ALDH16A1: variants seen among roughly 807,000 people sequenced by gnomAD.
ALDH16A1 encodes aldehyde dehydrogenase 16 family member A1, also known as aldehyde dehydrogenase family 16 member A1.
A neutral mutation model predicts 96.1 loss-of-function variants in ALDH16A1; 88 were observed. That is an observed-to-expected ratio of 0.92 (90% CI 0.77 to 1.09). The LOEUF (loss-of-function observed/expected upper bound fraction) is 1.09. ALDH16A1 is among the 50% of genes least tolerant of loss of function. ALDH16A1 has a pLI of 0.00. For synonymous variants in ALDH16A1, 522 were observed against 496.4 expected, an observed-to-expected ratio of 1.05 and a Z score of -0.69; for missense variants, 1,250 against 1,112.6, an observed-to-expected ratio of 1.12 and a Z score of -1.76.
chr19:49,465,878 T>A lies in ALDH16A1; in HGVS notation c.1709T>A (p.Val570Glu). ...GGAGCCAAGGACATCCGAGGTGCTG[T>A]GGAGGCCGCTCACCAGGCTTTCCCT... Reference protein sequence around the residue: ...EGGAKDIRGAVEAAHQAFPGW... With the variant: ...EGGAKDIRGAEEAAHQAFPGW... Residue 570 changes from valine to glutamate, a missense_variant, in exon 13 of 17, where the codon GTG (valine) becomes GAG (glutamate). Transcript: ENST00000293350. 6.2e-7 allele frequency: 1 copy of A among 1,613,970 alleles called. No homozygotes were observed. The highest frequency in any genetic ancestry group is 8.5e-7 in the Non-Finnish European group (1 of 1,179,954).
Position 49,462,636 on chromosome 19 carries a change from A to T in ALDH16A1, c.979A>T (p.Met327Leu), listed in dbSNP as rs1439365497. 1.2e-6 allele frequency: 2 copies of T among 1,612,592 alleles called. No individual in the cohort carries two copies. Among genetic ancestry groups the T allele is most frequent in the African/African-American group, 2.7e-5 (2 of 74,822 alleles). Residue 327 changes from methionine to leucine, a missense_variant, in exon 8 of 17, where the codon ATG becomes TTG. Transcript: ENST00000293350. ...DEAMRRLQER[M>L]GRLRSGRGLD... ...AGCCATGAGACGGCTGCAGGAGCGG[A>T]TGGGGCGGCTTCGGAGTGGCCGAGG...
At position 49,453,263 on chromosome 19, in the gene ALDH16A1, T is replaced by C. The variant is rs10426685; in HGVS notation, c.-69T>C. 7.0e-4 allele frequency: 982 copies of C among 1,407,664 alleles called. 2 individuals carry two copies. The African/African-American group carries it at 0.011, about 16-fold the overall frequency. 87.2% of individuals were successfully genotyped at this position (1,407,664 alleles called of 1,614,324 possible). ...TGGGCTGGAACCGGAGGTGTCGCTC[T>C]TCGGACCTCAAGGTTCCCCTTAACA... On this transcript the variant is annotated 5_prime_UTR_variant, in exon 1 of 17. Coordinates refer to ENST00000293350, the MANE Select transcript of ALDH16A1 (RefSeq NM_153329.4).
rs142764735 is a variant in ALDH16A1 at position 49,461,915 on chromosome 19, G to T, written c.791G>T (p.Gly264Val). 1.3e-6 allele frequency: 2 copies of T among 1,580,888 alleles called. No individual in the cohort carries two copies. The highest frequency in any genetic ancestry group is 4.7e-5 in the East Asian group (2 of 42,900). The change falls in exon 7 of 17, where the codon GGA becomes GTA. Residue 264 changes from glycine (G) to valine (V), a missense_variant. Gly to Val is a moderately radical substitution (Grantham distance 109). Transcript: ENST00000293350. The part of the protein sequence containing the change: ...EGRALRRSLA[G>V]ECAELGLALG... Reference sequence around the variant, plus strand: ...CGTGCCCTTCGACGGAGCCTGGCGGGAGAGTGTGCGGAGCTGGGCCTGGCG... The same window carrying T: ...CGTGCCCTTCGACGGAGCCTGGCGGTAGAGTGTGCGGAGCTGGGCCTGGCG...
chr19:49,454,268 C>T (rs1309948973), intron 1 of ALDH16A1, among the ~76,000 whole-genome samples: 1 of 152,102 alleles, frequency 6.6e-6, no homozygotes, highest in Non-Finnish European at 1.5e-5. Context: ...AGTGATCCAC[C>T]CACCTCGACT....
At chr19:49,466,722 C>T (rs1261658313) in intron 14 of ALDH16A1, among the ~76,000 whole-genome samples, 2 of 150,090 alleles carry the variant, frequency 1.3e-5, no homozygotes, top group African/African-American at 4.9e-5. Flanking sequence ...TAGCTGGGTA[C>T]GGTGGTGGGC....
In ALDH16A1 at chr19:49,459,225, C is replaced by T. The variant is rs531241808; in HGVS notation, c.320+139C>T. The T allele has an allele frequency of 8.5e-4, 1,153 of 1,354,208 alleles. 1 individual carries two copies. Among genetic ancestry groups the T allele is most frequent in the Non-Finnish European group, 1.1e-3 (1,074 of 1,012,764 alleles). 83.9% of individuals were successfully genotyped at this position (1,354,208 alleles called of 1,614,324 possible). Reference sequence around the variant, plus strand: ...TCAGATTCCCAGTATGTGCTGGAGGCAGTCGTGGCTGAAACATGCATCCGT... The same window carrying T: ...TCAGATTCCCAGTATGTGCTGGAGGTAGTCGTGGCTGAAACATGCATCCGT... On this transcript the variant is annotated intron_variant, in intron 3 of 16. Transcript: ENST00000293350. The surrounding 1 kb of genome is among the most constrained non-coding windows in gnomAD (Gnocchi z 4.1).
intron 8 of ALDH16A1, among the ~76,000 whole-genome samples, chr19:49,462,956 A>AC (rs2079164820): frequency 4.5e-5 from 4 of 88,858 alleles, no homozygotes; most frequent in Non-Finnish European, 6.5e-5. Flanking sequence ...TGGGGCCTGG[A>AC]TTCCTGGGTC....
At position 49,462,033 on chromosome 19, in the gene ALDH16A1, C is replaced by T. The variant is rs1412803825; in HGVS notation, c.909C>T (p.Gly303=). The T allele has an allele frequency of 1.9e-6, 3 of 1,539,848 alleles. No individual in the cohort carries two copies. Among genetic ancestry groups the T allele is most frequent in the East Asian group, 2.4e-5 (1 of 40,992 alleles). ...TGGACGCCGCCTGGTCCGACCGCGG[C>T]CCGGTGAGACCCGTGCGCTCCCGTC... ...GVVDAAWSDR[G]PGGLRLLIQE... The change falls in exon 7 of 17, where the codon GGC becomes GGT. Residue 303 remains glycine, a synonymous_variant. Coordinates refer to ENST00000293350, the MANE Select transcript of ALDH16A1 (RefSeq NM_153329.4).
At position 49,462,677 on chromosome 19, in the gene ALDH16A1, G is replaced by C. The variant is rs1296813545; in HGVS notation, c.1020G>C (p.Val340=). ...GTGGCCGAGGGCTGGATGGGGCCGT[G>C]GACATGGGGGCCCGGGGGGCTGCCG... ...LRSGRGLDGA[V]DMGARGAAAC... Residue 340 remains valine (V), a synonymous_variant, in exon 8 of 17, where the codon GTG becomes GTC. Transcript: ENST00000293350. The C allele has an allele frequency of 6.2e-7, 1 of 1,609,640 alleles. No individual in the cohort carries two copies. Among genetic ancestry groups the C allele is most frequent in the African/African-American group, 1.3e-5 (1 of 74,708 alleles).
chr19:49,454,695 C>G (rs1427270216), intron 1 of ALDH16A1, among the ~76,000 whole-genome samples: 1 of 152,180 alleles, frequency 6.6e-6, no homozygotes, highest in Non-Finnish European at 1.5e-5. Flanking sequence ...AGCAATGATC[C>G]AAGTGGAAGG....
intron 11 of ALDH16A1, 24 bp from the exon 12 acceptor site, chr19:49,464,608 C>G: frequency 6.2e-7 from 1 of 1,614,098 alleles, no homozygotes; most frequent in South Asian, 1.1e-5. Context: ...CCCTTGCATC[C>G]TCTTGACACC....
At chr19:49,469,904 C>A (rs1422859138) in intron 16 of ALDH16A1, 1 of 162,278 alleles carries the variant, frequency 6.2e-6, no homozygotes. Context: ...TAAATGGAGA[C>A]GGGGTCTCGC....
intron 1 of ALDH16A1, among the ~76,000 whole-genome samples, chr19:49,457,502 C>T (rs548785343): frequency 1.5e-4 from 22 of 148,782 alleles, no homozygotes; most frequent in African/African-American, 2.7e-4. Flanking sequence ...GAGCAGAGAT[C>T]GCGCCACTGC....
intron 1 of ALDH16A1, among the ~76,000 whole-genome samples, chr19:49,458,202 G>A (rs866900560): frequency 3.5e-5 from 5 of 144,594 alleles, no homozygotes; most frequent in Non-Finnish European, 7.6e-5. Context: ...CTGGGTGACA[G>A]AGCAAGACTC....
At chr19:49,465,649 A>C in intron 12 of ALDH16A1, 89 bp from the exon 13 acceptor site, 2 of 1,461,056 alleles carry the variant, frequency 1.4e-6, no homozygotes, top group South Asian at 2.6e-5. Context: ...GGCTCACGGG[A>C]GCCAAGGCAG....
rs1419630663 is a variant in ALDH16A1, at chr19:49,459,797, G to A, written c.448G>A (p.Ala150Thr). 2.5e-6 allele frequency: 4 copies of A among 1,613,400 alleles called. No individual in the cohort carries two copies. The African/African-American group carries it at 4.0e-5, about 16-fold the overall frequency. Reference protein sequence around the residue: ...QLAQQLLHYHAIQASTQEEAL... With the variant: ...QLAQQLLHYHTIQASTQEEAL... Reference sequence around the variant, plus strand: ...GGCCCAGCAGCTGCTCCACTACCATGCAATCCAGGCATCCACCCAGGAGGA... The same window carrying A: ...GGCCCAGCAGCTGCTCCACTACCATACAATCCAGGCATCCACCCAGGAGGA... Residue 150 changes from alanine to threonine, a missense_variant, in exon 4 of 17, where the codon GCA (alanine) becomes ACA (threonine). By Grantham distance (58) the Ala-to-Thr change is moderately conservative. Coordinates refer to ENST00000293350, the MANE Select transcript of ALDH16A1 (RefSeq NM_153329.4). The surrounding 1 kb of genome is among the most constrained non-coding windows in gnomAD (Gnocchi z 4.1).
At position 49,456,510 on chromosome 19, in the gene ALDH16A1, G is replaced by A. The variant is rs1601016922; in HGVS notation, c.91-1976G>A. On this transcript the variant is annotated intron_variant, in intron 1 of 16. Transcript: ENST00000293350. The stretch of plus-strand genomic sequence containing the variant: ...AGCAATCCTCCCACCCCAGCCTCCT[G>A]ACTAGCTGAGACTACAAGTGTGCAT... Among the ~76,000 whole-genome samples the A allele has an allele frequency of 2.0e-5, 3 of 152,184 alleles. No homozygotes were observed. The East Asian group carries it at 5.8e-4, about 29-fold the overall frequency.
rs186613121 is a variant in ALDH16A1, at chr19:49,459,537, C to T, written c.321-133C>T. On this transcript the variant is annotated intron_variant, in intron 3 of 16. Coordinates refer to ENST00000293350, the MANE Select transcript of ALDH16A1 (RefSeq NM_153329.4). The surrounding 1 kb of genome is among the most constrained non-coding windows in gnomAD (Gnocchi z 4.1). ...TATAATTCTCATAAATCTTCACTGC[C>T]CTCTGCCCCAGGTAAATGGTGGGGA... 70 of 1,017,130 alleles carry T rather than the reference C, an allele frequency of 6.9e-5. No homozygotes were observed. The highest frequency in any genetic ancestry group is 9.1e-5 in the Non-Finnish European group (66 of 721,552). The allele number at this position is 1,017,130 out of a possible 1,614,324, so 63.0% of individuals were successfully genotyped here.
At chr19:49,456,025 G>A (rs1224650123) in intron 1 of ALDH16A1, among the ~76,000 whole-genome samples, 1 of 152,172 alleles carries the variant, frequency 6.6e-6, no homozygotes, top group Non-Finnish European at 1.5e-5. Context: ...AATAGCTCCT[G>A]TCTTTTCCAT....
Sources: allele counts gnomAD v4.1 joint callset (sites outside exome capture counted in the v4.1 genomes callset), GRCh38; gene constraint gnomAD v4.1.1; non-coding constraint Gnocchi (gnomAD v3.1); transcripts MANE v1.5; gene names NCBI Gene and HGNC (gene_info 2026-07-23, HGNC 2026-07-21).